CAMK1D: variants seen among roughly 807,000 people sequenced by gnomAD.
CAMK1D encodes calcium/calmodulin dependent protein kinase ID, also known as calcium/calmodulin-dependent protein kinase type 1D.
In CAMK1D, 9 loss-of-function variants were observed where a neutral mutation model predicts 47.7. The ratio of observed to expected loss-of-function variants is 0.19; its 90% CI spans 0.11 to 0.33. The LOEUF (loss-of-function observed/expected upper bound fraction) is 0.33. CAMK1D is among the 10% of genes least tolerant of loss of function. CAMK1D has a pLI of 1.00. For synonymous variants in CAMK1D, 184 were observed against 184.9 expected (o/e 0.99, Z 0.04); for missense variants, 291 against 488.7 (o/e 0.60, Z 3.81).
At chr10:12,395,610 T>A (rs929486254) in intron 1 of CAMK1D, among the ~76,000 whole-genome samples, 1 of 152,060 alleles carries the variant, frequency 6.6e-6, no homozygotes, top group African/African-American at 2.4e-5. Context: ...GGGGAAAACT[T>A]ACTGTAGAAG....
chr10:12,690,433 C>A (rs1288603569), intron 3 of CAMK1D, among the ~76,000 whole-genome samples: 1 of 152,118 alleles, frequency 6.6e-6, no homozygotes, highest in African/African-American at 2.4e-5. Flanking sequence ...TTATTTATGC[C>A]TTACGAGACC....
rs1836962967 is a variant in CAMK1D, at chr10:12,769,894, T to C, written c.565+95T>C. 2.8e-6 allele frequency: 4 copies of C among 1,416,534 alleles called. No individual in the cohort carries two copies. The South Asian group carries it at 3.9e-5, about 14-fold the overall frequency. The allele number at this position is 1,416,534 out of a possible 1,614,324, so 87.7% of individuals were successfully genotyped here. ...GTCAACTCATCAGTTGTGTGAAACA[T>C]ATGAGCTTGGCATGTAATCACAGCT... On this transcript the variant is annotated intron_variant, in intron 5 of 10. Coordinates refer to ENST00000619168, the MANE Select transcript of CAMK1D (RefSeq NM_153498.4).
intron 1 of CAMK1D, among the ~76,000 whole-genome samples, chr10:12,371,302 C>T (rs1837998282): frequency 6.6e-6 from 1 of 152,074 alleles, no homozygotes; most frequent in Non-Finnish European, 1.5e-5. Context: ...TGAGGCCGGG[C>T]ACGGTGGCTC....
intron 8 of CAMK1D, among the ~76,000 whole-genome samples, chr10:12,824,093 T>C (rs1833110000): frequency 6.6e-6 from 1 of 151,434 alleles, no homozygotes; most frequent in Non-Finnish European, 1.5e-5. Context: ...AAAGCTTGTG[T>C]GGAGGCAGAG....
At chr10:12,619,698 A>G (rs181926232) in intron 2 of CAMK1D, among the ~76,000 whole-genome samples, 1 of 152,248 alleles carries the variant, frequency 6.6e-6, no homozygotes, top group African/African-American at 2.4e-5. Context: ...GATCTCATGT[A>G]CCCTTTACCA....
chr10:12,680,061 A>G (rs529955077), intron 3 of CAMK1D, among the ~76,000 whole-genome samples: 83 of 152,200 alleles, frequency 5.5e-4, no homozygotes, highest in Non-Finnish European at 1.0e-3. Context: ...TGTACTAATC[A>G]TTACACATCA....
chr10:12,703,150 A>G (rs1833589938), intron 3 of CAMK1D, among the ~76,000 whole-genome samples: 2 of 151,934 alleles, frequency 1.3e-5, no homozygotes, highest in Admixed American at 6.6e-5. Context: ...TACACCCGGG[A>G]TTTTTCTGAA....
intron 1 of CAMK1D, among the ~76,000 whole-genome samples, chr10:12,534,335 C>T (rs987768848): frequency 6.6e-6 from 1 of 151,942 alleles, no homozygotes; most frequent in Non-Finnish European, 1.5e-5. Context: ...TCAGCCTCCC[C>T]AGTAGCTGGG....
chr10:12,699,202 T>C (rs1833415088), intron 3 of CAMK1D, among the ~76,000 whole-genome samples: 1 of 152,096 alleles, frequency 6.6e-6, no homozygotes, highest in Non-Finnish European at 1.5e-5. Context: ...ACTTTCATAA[T>C]AGGGAGATAT....
intron 3 of CAMK1D, among the ~76,000 whole-genome samples, chr10:12,749,577 T>G (rs1017673132): frequency 6.7e-6 from 1 of 149,602 alleles, no homozygotes; most frequent in South Asian, 2.1e-4. Context: ...TTTGTTTGTT[T>G]TGATGAAGTC....
At chr10:12,519,943 A>AC (rs1372252389) in intron 1 of CAMK1D, among the ~76,000 whole-genome samples, 4 of 32,516 alleles carry the variant, frequency 1.2e-4, no homozygotes, top group African/African-American at 2.6e-4. Flanking sequence ...TGGGGGGCTG[A>AC]CCCCCCCACC....
At chr10:12,551,690 A>G (rs1588624181) in intron 1 of CAMK1D, among the ~76,000 whole-genome samples, 2 of 151,968 alleles carry the variant, frequency 1.3e-5, no homozygotes, top group South Asian at 2.1e-4. Context: ...GTGAGCCGAG[A>G]TCACACCAGT....
At chr10:12,639,098 A>G (rs1423776862) in intron 2 of CAMK1D, among the ~76,000 whole-genome samples, 2 of 152,220 alleles carry the variant, frequency 1.3e-5, no homozygotes, top group African/African-American at 4.8e-5. Context: ...ATGTGAATTC[A>G]TTCAGTGGGC....
chr10:12,819,369 G>A (rs1832932397), intron 8 of CAMK1D, among the ~76,000 whole-genome samples: 1 of 152,230 alleles, frequency 6.6e-6, no homozygotes, highest in Admixed American at 6.5e-5. Context: ...GAGTAGGAGA[G>A]GACGCAGGAG....
intron 3 of CAMK1D, among the ~76,000 whole-genome samples, chr10:12,680,412 T>A (rs938109972): frequency 2.6e-5 from 4 of 152,220 alleles, no homozygotes; most frequent in Non-Finnish European, 5.9e-5. Context: ...GGCCTAAGGT[T>A]TCAGGTCTAA....
rs917604034 is a variant in CAMK1D, at chr10:12,833,635, A to C, written c.*4748A>C. ...GAGCCCTCGCTGCTTCGCAGAATTT[A>C]ACAAGCACACGACTGGGATTCCTTT... On this transcript the variant is annotated 3_prime_UTR_variant, in exon 11 of 11. Transcript: ENST00000619168. 3.3e-5 allele frequency: 5 copies of C among 152,218 alleles called. No homozygotes were observed. The highest frequency in any genetic ancestry group is 7.3e-5 in the Non-Finnish European group (5 of 68,052). The allele number at this position is 152,218 out of a possible 1,614,324, so 9.4% of individuals were successfully genotyped here. A position where few individuals can be genotyped will look rare whatever the true frequency, so the allele number is the denominator to read the frequency against.
Position 12,828,621 on chromosome 10 carries a change from A to G in CAMK1D, c.1040-148A>G, listed in dbSNP as rs1235540851. On this transcript the variant is annotated intron_variant, in intron 10 of 10. Coordinates refer to ENST00000619168, the MANE Select transcript of CAMK1D (RefSeq NM_153498.4). ...GTGCCACTGCACTCCAGCCTGGTGA[A>G]AAGAGTGAAACTCCATCTCAAGAAA... The G allele has an allele frequency of 4.7e-6, 3 of 632,724 alleles. No individual in the cohort carries two copies. In the African/African-American group the frequency reaches 5.7e-5, roughly 12 times the overall value. 39.2% of individuals were successfully genotyped at this position (632,724 alleles called of 1,614,324 possible).
chr10:12,777,900 G>C (rs990830455), intron 5 of CAMK1D, among the ~76,000 whole-genome samples: 1 of 152,222 alleles, frequency 6.6e-6, no homozygotes, highest in Non-Finnish European at 1.5e-5. Flanking sequence ...GCAGGGCAGA[G>C]CCCAGCCCCA....
chr10:12,713,228 G>A (rs1834001714), intron 3 of CAMK1D, among the ~76,000 whole-genome samples: 1 of 152,152 alleles, frequency 6.6e-6, no homozygotes, highest in Admixed American at 6.5e-5. Context: ...ACGCCACCAG[G>A]CCCGGCTAAT....
Sources: gnomAD v4.1 joint callset for allele counts (sites outside exome capture counted in the v4.1 genomes callset) on GRCh38, gnomAD v4.1.1 for gene constraint, MANE v1.5 for transcripts, NCBI Gene and HGNC (gene_info 2026-07-23, HGNC 2026-07-21) for gene names.